The following MACROD2 variants were observed in gnomAD, a reference collection of about 807,000 sequenced individuals.
MACROD2 encodes the protein ADP-ribose glycohydrolase MACROD2.
Under a neutral mutation model 70.4 loss-of-function variants are expected in MACROD2, and 36 were observed. The ratio of observed to expected loss-of-function variants is 0.51; its 90% confidence interval spans 0.39 to 0.68. MACROD2 has a LOEUF of 0.68. MACROD2 is among the 30% of genes least tolerant of loss of function. The pLI, the probability that MACROD2 is intolerant of heterozygous loss-of-function variation, is 0.00. For synonymous variants in MACROD2, 172 were observed against 178.8 expected, an observed-to-expected ratio of 0.96 and a Z score of 0.30; for missense variants, 496 against 538.4, an observed-to-expected ratio of 0.92 and a Z score of 0.78.
At chr20:14,393,447 G>C (rs1007938157) in intron 3 of MACROD2, among the ~76,000 whole-genome samples, 1 of 152,060 alleles carries the variant, frequency 6.6e-6, no homozygotes, top group African/African-American at 2.4e-5. Flanking sequence ...CTTCCTTAGT[G>C]TATTTGTTTT....
chr20:14,644,096 T>A (rs1419164095), intron 4 of MACROD2, among the ~76,000 whole-genome samples: 2 of 152,170 alleles, frequency 1.3e-5, no homozygotes, highest in African/African-American at 4.8e-5. Flanking sequence ...TTCTATTAAA[T>A]AACTAAATAT....
At chr20:14,625,823 TTTG>T (rs772045982) in intron 4 of MACROD2, among the ~76,000 whole-genome samples, 36 of 152,224 alleles carry the variant, frequency 2.4e-4, no homozygotes, top group East Asian at 5.8e-4. Flanking sequence ...CTGGGTTTTT[TTTG>T]TTGTTGTTGT....
intron 3 of MACROD2, among the ~76,000 whole-genome samples, chr20:14,269,732 A>C (rs974399002): frequency 2.0e-5 from 3 of 152,136 alleles, no homozygotes; most frequent in Non-Finnish European, 2.9e-5. Context: ...TTCTGTTAAC[A>C]CTGAAGCCAT....
At chr20:15,806,245 T>C (rs181577643) in intron 8 of MACROD2, among the ~76,000 whole-genome samples, 79 of 152,334 alleles carry the variant, frequency 5.2e-4, no homozygotes, top group African/African-American at 1.9e-3. Flanking sequence ...TTTTAGTATG[T>C]CCAAGTCAGA....
At chr20:15,471,880 C>T (rs1420161534) in intron 7 of MACROD2, among the ~76,000 whole-genome samples, 1 of 152,120 alleles carries the variant, frequency 6.6e-6, no homozygotes, top group Non-Finnish European at 1.5e-5. Flanking sequence ...ATTCCCCCTT[C>T]CAAACTAAAT....
chr20:14,404,229 GATA>G (rs2083668855), intron 3 of MACROD2, among the ~76,000 whole-genome samples: 1 of 152,222 alleles, frequency 6.6e-6, no homozygotes, highest in East Asian at 1.9e-4. Flanking sequence ...TCCAGAATGA[GATA>G]ATAAGAGAAT....
intron 4 of MACROD2, among the ~76,000 whole-genome samples, chr20:14,595,184 T>C (rs960335557): frequency 6.6e-6 from 1 of 152,166 alleles, no homozygotes; most frequent in African/African-American, 2.4e-5. Flanking sequence ...GTTGTAGGAC[T>C]CTCTCCTTAG....
intron 6 of MACROD2, among the ~76,000 whole-genome samples, chr20:15,392,503 G>T (rs1600343125): frequency 6.6e-6 from 1 of 151,696 alleles, no homozygotes; most frequent in Non-Finnish European, 1.5e-5. Flanking sequence ...AATTACTTCT[G>T]TTTTTGCATA....
intron 5 of MACROD2, among the ~76,000 whole-genome samples, chr20:14,988,383 A>AAATATC (rs1209003488): frequency 6.7e-6 from 1 of 148,696 alleles, no homozygotes; most frequent in Non-Finnish European, 1.5e-5. Context: ...AAGGCTTTAT[A>AAATATC]AATATCAATA....
intron 5 of MACROD2, among the ~76,000 whole-genome samples, chr20:14,970,129 G>C (rs971548616): frequency 6.6e-6 from 1 of 152,120 alleles, no homozygotes; most frequent in Non-Finnish European, 1.5e-5. Context: ...ATAGCAGAAG[G>C]CACCTCTTCA....
At chr20:15,313,146 C>T (rs1244883739) in intron 6 of MACROD2, among the ~76,000 whole-genome samples, 1 of 151,932 alleles carries the variant, frequency 6.6e-6, no homozygotes, top group African/African-American at 2.4e-5. Context: ...CAGTCAAAAC[C>T]TGATTTTCTG....
intron 3 of MACROD2, among the ~76,000 whole-genome samples, chr20:14,393,428 A>G (rs186777957): frequency 1.3e-5 from 2 of 152,226 alleles, no homozygotes; most frequent in African/African-American, 4.8e-5. Context: ...AAAATTGAAT[A>G]TATTCTGTCT....
chr20:15,536,196 C>T (rs2047872606), intron 8 of MACROD2, among the ~76,000 whole-genome samples: 1 of 152,166 alleles, frequency 6.6e-6, no homozygotes, highest in South Asian at 2.1e-4. Flanking sequence ...TTGCCCAAGA[C>T]AGAACAGTTT....
intron 5 of MACROD2, among the ~76,000 whole-genome samples, chr20:15,048,862 G>A (rs1452005103): frequency 6.6e-6 from 1 of 151,998 alleles, no homozygotes; most frequent in Non-Finnish European, 1.5e-5. Context: ...AATCATAGCA[G>A]TATTTTTAAT....
intron 5 of MACROD2, among the ~76,000 whole-genome samples, chr20:14,981,295 C>T (rs2074796694): frequency 6.6e-6 from 1 of 152,026 alleles, no homozygotes; most frequent in Non-Finnish European, 1.5e-5. Flanking sequence ...AATGCCATCC[C>T]CACTGCCTGG....
chr20:15,735,295 G>C (rs943871620), intron 8 of MACROD2, among the ~76,000 whole-genome samples: 2 of 152,228 alleles, frequency 1.3e-5, no homozygotes, highest in African/African-American at 4.8e-5. Flanking sequence ...GTGCACAAAA[G>C]CCCATGATGT....
intron 5 of MACROD2, among the ~76,000 whole-genome samples, chr20:14,772,231 T>C (rs2180476): frequency 0.41 from 61,735 of 151,864 alleles, 14,005 homozygotes; most frequent in Non-Finnish European, 0.51. Context: ...TCTTTTCACT[T>C]TCTTCCATTC....
intron 12 of MACROD2, among the ~76,000 whole-genome samples, chr20:15,949,343 G>C (rs578091321): frequency 6.6e-6 from 1 of 152,058 alleles, no homozygotes; most frequent in Non-Finnish European, 1.5e-5. Context: ...AACTACCCCA[G>C]GTGGCACAGT....
intron 5 of MACROD2, among the ~76,000 whole-genome samples, chr20:14,797,678 C>A (rs1365992650): frequency 6.6e-6 from 1 of 152,086 alleles, no homozygotes; most frequent in African/African-American, 2.4e-5. Context: ...TCTTTCACAG[C>A]ACATATAGCT....
Sources: allele counts gnomAD v4.1 joint callset (sites outside exome capture counted in the v4.1 genomes callset), GRCh38; gene constraint gnomAD v4.1.1; transcripts MANE v1.5; gene names NCBI Gene and HGNC (gene_info 2026-07-23, HGNC 2026-07-21).